The following PHACTR1 variants were observed in gnomAD, a reference collection of about 807,000 sequenced individuals.
The protein encoded by PHACTR1 is RPEL repeat containing 1.
In PHACTR1, 16 loss-of-function variants were observed where a neutral mutation model predicts 69.2. That is an observed-to-expected ratio of 0.23 (90% CI 0.16 to 0.35). The LOEUF is 0.35. PHACTR1 is among the 10% of genes least tolerant of loss of function. The pLI, the probability that PHACTR1 is intolerant of heterozygous loss-of-function variation, is 1.00. For missense variants in PHACTR1, 510 were observed against 734.7 expected (o/e 0.69, Z 3.54); for synonymous variants, 312 against 284.5 (o/e 1.10, Z -0.97).
At chr6:12,885,118 G>A (rs1282947748) in intron 4 of PHACTR1, among the ~76,000 whole-genome samples, 1 of 152,192 alleles carries the variant, frequency 6.6e-6, no homozygotes, top group Non-Finnish European at 1.5e-5. Context: ...ACTGATGCTT[G>A]CTTCTGCCTA....
intron 10 of PHACTR1, among the ~76,000 whole-genome samples, chr6:13,244,783 A>G (rs1476114456): frequency 6.6e-6 from 1 of 152,210 alleles, no homozygotes; most frequent in African/African-American, 2.4e-5. Context: ...ATGCTGTACA[A>G]TTTGTGCAGT....
At chr6:13,207,618 A>T (rs536478515) in intron 8 of PHACTR1, among the ~76,000 whole-genome samples, 1 of 152,184 alleles carries the variant, frequency 6.6e-6, no homozygotes, top group Non-Finnish European at 1.5e-5. Flanking sequence ...GTATTCAAAC[A>T]CCGCCACCTA....
chr6:13,196,408 C>G (rs1388094770), intron 7 of PHACTR1: 1 of 122,604 alleles, frequency 8.2e-6, no homozygotes, highest in African/African-American at 3.1e-5. Flanking sequence ...AGATCATCCA[C>G]TGGTTTTCTT....
intron 4 of PHACTR1, among the ~76,000 whole-genome samples, chr6:12,848,152 C>T (rs1779474667): frequency 6.6e-6 from 1 of 152,046 alleles, no homozygotes; most frequent in South Asian, 2.1e-4. Context: ...CATAACTAGG[C>T]TAGATCAATA....
At chr6:12,931,525 A>C (rs924307662) in intron 4 of PHACTR1, among the ~76,000 whole-genome samples, 1 of 152,164 alleles carries the variant, frequency 6.6e-6, no homozygotes, top group Non-Finnish European at 1.5e-5. Context: ...CTGGAGGTGC[A>C]GTCTAAGTAA....
chr6:13,002,939 A>G (rs1308523268), intron 4 of PHACTR1, among the ~76,000 whole-genome samples: 1 of 152,204 alleles, frequency 6.6e-6, no homozygotes, highest in Non-Finnish European at 1.5e-5. Context: ...TTTACCTTGC[A>G]TGCAAAACAA....
chr6:12,866,789 A>G (rs1781506196), intron 4 of PHACTR1, among the ~76,000 whole-genome samples: 1 of 152,190 alleles, frequency 6.6e-6, no homozygotes, highest in Non-Finnish European at 1.5e-5. Flanking sequence ...AATAGATGGG[A>G]GGTATTTTCA....
intron 4 of PHACTR1, among the ~76,000 whole-genome samples, chr6:12,858,035 C>G (rs1044896317): frequency 4.6e-5 from 7 of 152,146 alleles, no homozygotes; most frequent in East Asian, 1.9e-4. Context: ...ATAGCCTGTT[C>G]TCGGTAAGTT....
At chr6:13,026,942 AT>A (rs1357787404) in intron 4 of PHACTR1, among the ~76,000 whole-genome samples, 3 of 152,252 alleles carry the variant, frequency 2.0e-5, no homozygotes, top group Non-Finnish European at 4.4e-5. Flanking sequence ...AATAAAAAAA[AT>A]AATAACAAGT....
chr6:13,036,218 T>A (rs999260026), intron 4 of PHACTR1, among the ~76,000 whole-genome samples: 4 of 152,142 alleles, frequency 2.6e-5, no homozygotes, highest in Non-Finnish European at 4.4e-5. Context: ...AGAACCACTG[T>A]CAGCTGAGTT....
At chr6:13,055,254 C>G (rs1806593473) in intron 5 of PHACTR1, among the ~76,000 whole-genome samples, 1 of 152,182 alleles carries the variant, frequency 6.6e-6, no homozygotes, top group African/African-American at 2.4e-5. Flanking sequence ...TCCCACCACT[C>G]TGACTCTGCA....
At chr6:13,176,807 G>A (rs970804103) in intron 6 of PHACTR1, among the ~76,000 whole-genome samples, 3 of 152,046 alleles carry the variant, frequency 2.0e-5, no homozygotes, top group Non-Finnish European at 4.4e-5. Flanking sequence ...ATTCTTCATA[G>A]TCATATTCAA....
intron 4 of PHACTR1, among the ~76,000 whole-genome samples, chr6:12,948,030 G>T (rs561414459): frequency 2.2e-4 from 33 of 152,290 alleles, no homozygotes; most frequent in Admixed American, 1.2e-3. Flanking sequence ...GTTCTCCTCT[G>T]TTGGCTCATT....
At chr6:13,014,311 C>T (rs1470179120) in intron 4 of PHACTR1, among the ~76,000 whole-genome samples, 1 of 152,152 alleles carries the variant, frequency 6.6e-6, no homozygotes, top group Non-Finnish European at 1.5e-5. Context: ...CAGAGTGCCA[C>T]CCACAGCCCA....
chr6:13,270,722 G>A (rs1262241000), intron 10 of PHACTR1, among the ~76,000 whole-genome samples: 1 of 152,164 alleles, frequency 6.6e-6, no homozygotes, highest in Non-Finnish European at 1.5e-5. Flanking sequence ...GGCTTTATAA[G>A]CAGGTATATG....
At chr6:12,944,757 A>AT (rs1192757594) in intron 4 of PHACTR1, among the ~76,000 whole-genome samples, 3 of 119,100 alleles carry the variant, frequency 2.5e-5, no homozygotes, top group Admixed American at 8.5e-5. Flanking sequence ...CTTTTGAATT[A>AT]TTTATTTATT....
chr6:12,789,874 C>T (rs925599743), intron 4 of PHACTR1, among the ~76,000 whole-genome samples: 10 of 151,324 alleles, frequency 6.6e-5, no homozygotes, highest in Non-Finnish European at 1.3e-4. Context: ...GTGCTGCACC[C>T]ATCAACTCGT....
At chr6:13,148,034 A>C (rs1036382448) in intron 5 of PHACTR1, among the ~76,000 whole-genome samples, 2 of 151,984 alleles carry the variant, frequency 1.3e-5, no homozygotes, top group East Asian at 3.9e-4. Flanking sequence ...GTAGTTCTAA[A>C]GCTTAGAGAT....
chr6:12,789,340 G>A (rs1042625700), intron 4 of PHACTR1, among the ~76,000 whole-genome samples: 8 of 151,992 alleles, frequency 5.3e-5, no homozygotes, highest in Admixed American at 3.9e-4. Context: ...TCAAGCCATC[G>A]ATTACTTATT....
Sources: allele counts gnomAD v4.1 joint callset (sites outside exome capture counted in the v4.1 genomes callset), GRCh38; gene constraint gnomAD v4.1.1; transcripts MANE v1.5; gene names NCBI Gene and HGNC (gene_info 2026-07-23, HGNC 2026-07-21).